The following KCNH7 variants were observed in gnomAD, a reference collection of about 807,000 sequenced individuals.
KCNH7 encodes potassium voltage-gated channel subfamily H member 7.
Under a neutral mutation model 120.8 loss-of-function variants are expected in KCNH7, and 49 were observed. That is an observed-to-expected ratio of 0.41 (90% CI 0.32 to 0.51). The LOEUF (loss-of-function observed/expected upper bound fraction) is 0.51, where lower values mean the gene tolerates loss of function less well. Among genes scored for constraint, KCNH7 ranks in the 20% least tolerant of loss-of-function variants. The probability of loss-of-function intolerance (pLI) is 0.38; values close to 1 mark genes in which losing one functional copy is unlikely to be tolerated. For missense variants in KCNH7, 1,097 were observed against 1,446.6 expected, an observed-to-expected ratio of 0.76 and a Z score of 3.92; for synonymous variants, 547 against 516.1, an observed-to-expected ratio of 1.06 and a Z score of -0.81.
In KCNH7 at chr2:162,748,902, C is replaced by G. The variant is rs1383429662; in HGVS notation, c.307+87635G>C. ...CCCTCCCTCCCTCCCTTCTTTCCTTCCTTCCTTCCTTCCCTTCCCTTTCCT... is the reference window on the plus strand; with the variant it reads ...CCCTCCCTCCCTCCCTTCTTTCCTTGCTTCCTTCCTTCCCTTCCCTTTCCT... On this transcript the variant is annotated intron_variant, in intron 2 of 15. Coordinates refer to ENST00000332142, the MANE Select transcript of KCNH7 (RefSeq NM_033272.4). Among the ~76,000 whole-genome samples the G allele has an allele frequency of 4.0e-5, 3 of 75,442 alleles. No homozygotes were observed. In the South Asian group the frequency reaches 1.8e-3, roughly 44 times the overall value. 49.5% of individuals were successfully genotyped at this position (75,442 alleles called of 152,430 possible). A position where few individuals can be genotyped will look rare whatever the true frequency, so the allele number is the denominator to read the frequency against.
At chr2:162,585,678 T>TA (rs1198764493) in intron 2 of KCNH7, among the ~76,000 whole-genome samples, 1 of 151,982 alleles carries the variant, frequency 6.6e-6, no homozygotes, top group Non-Finnish European at 1.5e-5. Flanking sequence ...CATTAATTTT[T>TA]AAAAAGACAG....
intron 2 of KCNH7, among the ~76,000 whole-genome samples, chr2:162,674,849 AG>A (rs1270596494): frequency 1.3e-5 from 2 of 151,706 alleles, no homozygotes; most frequent in Admixed American, 1.3e-4. Flanking sequence ...AAACTGTAAA[AG>A]TTTTAGAAGA....
At chr2:162,691,400 C>CT (rs2105328897) in intron 2 of KCNH7, among the ~76,000 whole-genome samples, 1 of 152,110 alleles carries the variant, frequency 6.6e-6, no homozygotes, top group South Asian at 2.1e-4. Flanking sequence ...GAATTTTTAC[C>CT]TATAAACTCA....
At chr2:162,511,964 A>G (rs1205336544) in intron 5 of KCNH7, among the ~76,000 whole-genome samples, 1 of 151,726 alleles carries the variant, frequency 6.6e-6, no homozygotes, top group African/African-American at 2.4e-5. Flanking sequence ...ATATTTTGTG[A>G]TCCTTGTATC....
In KCNH7 at chr2:162,825,819, A is replaced by G. The variant is rs567990100; in HGVS notation, c.307+10718T>C. Among the ~76,000 whole-genome samples the G allele has an allele frequency of 2.0e-5, 3 of 152,278 alleles. No homozygotes were observed. In the East Asian group the frequency reaches 5.8e-4, roughly 29 times the overall value. On this transcript the variant is annotated intron_variant, in intron 2 of 15. Coordinates refer to ENST00000332142, the MANE Select transcript of KCNH7 (RefSeq NM_033272.4). ...AGGAAAACAAGCTACAAGCTGTGATACATATAGTGCTGCCCTGGTCTTGTT... is the reference window on the plus strand; with the variant it reads ...AGGAAAACAAGCTACAAGCTGTGATGCATATAGTGCTGCCCTGGTCTTGTT...
intron 14 of KCNH7, among the ~76,000 whole-genome samples, chr2:162,377,217 G>A (rs1389044192): frequency 6.6e-6 from 1 of 151,644 alleles, no homozygotes; most frequent in African/African-American, 2.4e-5. Flanking sequence ...GTTAAAAACC[G>A]CAGTGGAGTA....
intron 14 of KCNH7, among the ~76,000 whole-genome samples, chr2:162,379,017 C>T (rs976152522): frequency 3.3e-5 from 5 of 152,174 alleles, no homozygotes; most frequent in African/African-American, 4.8e-5. Context: ...CATGCTTGTG[C>T]GTGTTCGAAA....
At chr2:162,395,890 C>T (rs1686900327) in intron 11 of KCNH7, among the ~76,000 whole-genome samples, 1 of 151,292 alleles carries the variant, frequency 6.6e-6, no homozygotes. Flanking sequence ...GGTTTTTTTC[C>T]CCAGAGAATA....
At chr2:162,494,742 G>A (rs1690437238) in intron 6 of KCNH7, among the ~76,000 whole-genome samples, 1 of 152,032 alleles carries the variant, frequency 6.6e-6, no homozygotes, top group Non-Finnish European at 1.5e-5. Context: ...TCAGATATAG[G>A]ACTTGGACAG....
intron 2 of KCNH7, among the ~76,000 whole-genome samples, chr2:162,760,698 G>GTTT (rs879591220): frequency 2.1e-4 from 32 of 152,148 alleles, no homozygotes; most frequent in Non-Finnish European, 4.4e-4. Flanking sequence ...AATTACACCA[G>GTTT]AAATGTTTAG....
At chr2:162,799,099 T>A (rs906463117) in intron 2 of KCNH7, among the ~76,000 whole-genome samples, 3 of 152,058 alleles carry the variant, frequency 2.0e-5, no homozygotes, top group African/African-American at 7.2e-5. Context: ...AAACCCACTG[T>A]GGGAAGCCCC....
intron 2 of KCNH7, among the ~76,000 whole-genome samples, chr2:162,695,826 A>T (rs1431287533): frequency 1.3e-5 from 2 of 152,162 alleles, no homozygotes; most frequent in Non-Finnish European, 2.9e-5. Flanking sequence ...ACAGAGATGA[A>T]GGAGAGAGAA....
chr2:162,666,924 C>T (rs1331703662), intron 2 of KCNH7, among the ~76,000 whole-genome samples: 2 of 152,006 alleles, frequency 1.3e-5, no homozygotes, highest in African/African-American at 2.4e-5. Flanking sequence ...TTGTTGAATA[C>T]CATCATTTCT....
In KCNH7 at chr2:162,517,721, C is replaced by T. The variant is rs1257509958; in HGVS notation, c.892+9G>A. On this transcript the variant is annotated intron_variant, in intron 4 of 15. Coordinates refer to ENST00000332142, the MANE Select transcript of KCNH7 (RefSeq NM_033272.4). ...TATATGTTTCCATTTAAAAAAAAATCAAACATACCTTCGCTGGCATGTCGG... is the reference window on the plus strand; with the variant it reads ...TATATGTTTCCATTTAAAAAAAAATTAAACATACCTTCGCTGGCATGTCGG... The T allele has an allele frequency of 2.0e-6, 3 of 1,536,386 alleles. No homozygotes were observed. The highest frequency in any genetic ancestry group is 2.6e-6 in the Non-Finnish European group (3 of 1,138,034).
intron 6 of KCNH7, among the ~76,000 whole-genome samples, chr2:162,480,514 A>T (rs1689896243): frequency 6.6e-6 from 1 of 152,168 alleles, no homozygotes; most frequent in African/African-American, 2.4e-5. Context: ...TCCATCAATA[A>T]AATTCATTTG....
Position 162,597,436 on chromosome 2 carries a change from C to T in KCNH7, c.308-60356G>A, listed in dbSNP as rs144056564. ...ATTATGCTAAAGGAAATAAGCCAGG[C>T]AAGAAAGACAAATATCACATGGTCT... On this transcript the variant is annotated intron_variant, in intron 2 of 15. Transcript: ENST00000332142. 4.6e-3 allele frequency among the ~76,000 whole-genome samples: 695 copies of T among 152,068 alleles called. 7 individuals are homozygous for T. Among genetic ancestry groups the T allele is most frequent in the African/African-American group, 0.016 (665 of 41,524 alleles).
rs144313289 is a variant in KCNH7 at position 162,541,899 on chromosome 2, G to A, written c.308-4819C>T. ...GGTGTGTTGCAGGCTAAGAGAAGAGGTATTTCAAAAGGAGGACTTGAGTGA... is the reference window on the plus strand; with the variant it reads ...GGTGTGTTGCAGGCTAAGAGAAGAGATATTTCAAAAGGAGGACTTGAGTGA... On this transcript the variant is annotated intron_variant, in intron 2 of 15. Transcript: ENST00000332142. 3.5e-4 allele frequency among the ~76,000 whole-genome samples: 53 copies of A among 152,150 alleles called. No homozygotes were observed. In the East Asian group the frequency reaches 0.01, roughly 30 times the overall value.
intron 10 of KCNH7, among the ~76,000 whole-genome samples, chr2:162,399,028 A>G (rs1686996604): frequency 6.6e-6 from 1 of 151,894 alleles, no homozygotes. Context: ...GCAGCAGGGA[A>G]AACAGACAAC....
intron 2 of KCNH7, among the ~76,000 whole-genome samples, chr2:162,577,378 TATCTATCTATCTATCTATCC>T (rs1693720235): frequency 7.0e-6 from 1 of 143,838 alleles, no homozygotes. Context: ...TCTATCTATC[TATCTATCTATCTATCTATCC>T]ATCTATCTAT....
Sources: gnomAD v4.1 joint callset for allele counts (sites outside exome capture counted in the v4.1 genomes callset) on GRCh38, gnomAD v4.1.1 for gene constraint, MANE v1.5 for transcripts, NCBI Gene and HGNC (gene_info 2026-07-23, HGNC 2026-07-21) for gene names.